TCF12: variants seen among roughly 807,000 people sequenced by gnomAD.
TCF12 encodes transcription factor 12.
Under a neutral mutation model 86.0 loss-of-function variants are expected in TCF12, and 45 were observed. The observed-to-expected ratio is 0.52, with a 90% CI of 0.41 to 0.67. The LOEUF (loss-of-function observed/expected upper bound fraction) is 0.67. Among genes scored for constraint, TCF12 ranks in the 30% least tolerant of loss-of-function variants. TCF12 has a pLI of 0.00. For missense variants in TCF12, 881 were observed against 859.9 expected, an observed-to-expected ratio of 1.02 and a Z score of -0.31; for synonymous variants, 330 against 299.6, an observed-to-expected ratio of 1.10 and a Z score of -1.05.
At chr15:57,064,782 T>G (rs1159771818) in intron 4 of TCF12, among the ~76,000 whole-genome samples, 4 of 92,538 alleles carry the variant, frequency 4.3e-5, no homozygotes, top group African/African-American at 5.9e-5. Flanking sequence ...GGCCACAGAG[T>G]GAGACTCCAT....
intron 3 of TCF12, among the ~76,000 whole-genome samples, chr15:57,012,944 T>C (rs1195464128): frequency 6.6e-6 from 1 of 152,190 alleles, no homozygotes; most frequent in Non-Finnish European, 1.5e-5. Flanking sequence ...AGTAAGAGGC[T>C]CTGATTTAAC....
chr15:57,003,096 A>C (rs146591802), intron 3 of TCF12, among the ~76,000 whole-genome samples: 1 of 152,324 alleles, frequency 6.6e-6, no homozygotes, highest in East Asian at 1.9e-4. Context: ...ACATTTATTC[A>C]TTTCTGAAAA....
At chr15:56,953,533 C>T (rs2061369936) in intron 3 of TCF12, among the ~76,000 whole-genome samples, 1 of 151,830 alleles carries the variant, frequency 6.6e-6, no homozygotes, top group African/African-American at 2.4e-5. Context: ...TAGAATTCAC[C>T]AATGAAACCA....
chr15:57,201,092 T>C (rs1363527307), intron 8 of TCF12, among the ~76,000 whole-genome samples: 1 of 152,184 alleles, frequency 6.6e-6, no homozygotes, highest in African/African-American at 2.4e-5. Context: ...GAAGAAGTGA[T>C]GTTTTTAAAG....
At chr15:57,180,611 T>C (rs1305936933) in intron 6 of TCF12, among the ~76,000 whole-genome samples, 1 of 151,802 alleles carries the variant, frequency 6.6e-6, no homozygotes, top group Non-Finnish European at 1.5e-5. Flanking sequence ...TGCATACCAC[T>C]TCAGGGGTGT....
chr15:57,179,066 T>A (rs2056154322), intron 6 of TCF12, among the ~76,000 whole-genome samples: 1 of 152,022 alleles, frequency 6.6e-6, no homozygotes, highest in South Asian at 2.1e-4. Context: ...AAAGAAAAAT[T>A]AAGATGGTAA....
chr15:57,172,725 G>A (rs1262997152), intron 6 of TCF12, among the ~76,000 whole-genome samples: 2 of 151,974 alleles, frequency 1.3e-5, no homozygotes, highest in South Asian at 4.2e-4. Flanking sequence ...AAACCTCCCC[G>A]ACACGAGTTT....
intron 5 of TCF12, among the ~76,000 whole-genome samples, chr15:57,161,654 C>G (rs1251476615): frequency 6.6e-6 from 1 of 152,172 alleles, no homozygotes; most frequent in East Asian, 1.9e-4. Context: ...AATCAGTGAA[C>G]TTGAATGGGA....
intron 5 of TCF12, among the ~76,000 whole-genome samples, chr15:57,132,874 A>T (rs563909668): frequency 6.6e-6 from 1 of 152,278 alleles, no homozygotes; most frequent in East Asian, 1.9e-4. Flanking sequence ...AATTATAGCA[A>T]TGTTTGCTGA....
intron 3 of TCF12, among the ~76,000 whole-genome samples, chr15:57,061,443 A>C (rs972817912): frequency 2.0e-5 from 3 of 152,180 alleles, no homozygotes; most frequent in Non-Finnish European, 4.4e-5. Context: ...AAATAAAAAA[A>C]AAAATTAATG....
intron 5 of TCF12, among the ~76,000 whole-genome samples, chr15:57,113,833 G>A (rs1464857087): frequency 6.6e-6 from 1 of 151,202 alleles, no homozygotes; most frequent in Non-Finnish European, 1.5e-5. Context: ...GCATGCACCT[G>A]TAGTCCCAGC....
intron 3 of TCF12, among the ~76,000 whole-genome samples, chr15:56,926,840 G>A (rs1276141548): frequency 2.0e-5 from 3 of 152,200 alleles, no homozygotes; most frequent in Non-Finnish European, 4.4e-5. Context: ...TTATAAGGTT[G>A]TTAGGAGTGT....
chr15:57,122,429 A>C (rs547047024), intron 5 of TCF12, among the ~76,000 whole-genome samples: 2 of 152,342 alleles, frequency 1.3e-5, no homozygotes, highest in South Asian at 4.1e-4. Flanking sequence ...CATACCTGTA[A>C]GCCAGGCATT....
intron 3 of TCF12, among the ~76,000 whole-genome samples, chr15:56,931,041 C>T (rs1035463281): frequency 7.2e-5 from 11 of 151,774 alleles, no homozygotes; most frequent in Non-Finnish European, 1.5e-4. Flanking sequence ...GGAGATCTGT[C>T]TCTCTCTCTC....
chr15:57,113,251 GGATTA>G (rs1167368250), intron 5 of TCF12, among the ~76,000 whole-genome samples: 2 of 152,246 alleles, frequency 1.3e-5, no homozygotes, highest in Admixed American at 1.3e-4. Context: ...TATCCGTCAA[GGATTA>G]GCTTATGCTT....
chr15:56,943,134 T>C (rs2060851586), intron 3 of TCF12, among the ~76,000 whole-genome samples: 1 of 152,204 alleles, frequency 6.6e-6, no homozygotes. Context: ...ATGTAAATGA[T>C]GCATAGCCTC....
Position 57,151,416 on chromosome 15 carries a change from C to A in TCF12, c.326-14986C>A, listed in dbSNP as rs1457826767. Among the ~76,000 whole-genome samples the A allele has an allele frequency of 2.6e-5, 4 of 152,138 alleles. No homozygotes were observed. The East Asian group carries it at 7.7e-4, about 29-fold the overall frequency. On this transcript the variant is annotated intron_variant, in intron 5 of 20. Transcript: ENST00000333725. ...TTGTAGGCATAGAAACAGAAACTATCCAAAATGAAGATCAGAGGACCTCCA... is the reference window on the plus strand; with the variant it reads ...TTGTAGGCATAGAAACAGAAACTATACAAAATGAAGATCAGAGGACCTCCA...
upstream of TCF12, chr15:56,918,579 G>T: frequency 3.7e-6 from 1 of 270,852 alleles, no homozygotes; most frequent in Admixed American, 5.2e-5. Context: ...TTCCTAGGCG[G>T]CGGAGCGGGT....
At chr15:57,088,768 C>G (rs1016700199) in intron 4 of TCF12, among the ~76,000 whole-genome samples, 3 of 152,070 alleles carry the variant, frequency 2.0e-5, no homozygotes, top group South Asian at 4.2e-4. Context: ...GCATCTTAAT[C>G]TGCATTTTAG....
Sources: allele counts gnomAD v4.1 joint callset (sites outside exome capture counted in the v4.1 genomes callset), GRCh38; gene constraint gnomAD v4.1.1; transcripts MANE v1.5; gene names NCBI Gene and HGNC (gene_info 2026-07-23, HGNC 2026-07-21).